CHMP2B: variants seen among roughly 807,000 people sequenced by gnomAD.
CHMP2B encodes the protein VPS2 homolog B.
CHMP2B carries 22 observed loss-of-function variants against 29.8 expected under a neutral mutation model. That is an observed-to-expected ratio of 0.74 (90% CI 0.53 to 1.05). The LOEUF is 1.05. Ranked by LOEUF, CHMP2B falls within the 50% of genes least tolerant of loss-of-function variation. The pLI is 0.00. For synonymous variants in CHMP2B, 78 were observed against 75.8 expected, an observed-to-expected ratio of 1.03 and a Z score of -0.15; for missense variants, 261 against 252.2, an observed-to-expected ratio of 1.03 and a Z score of -0.24.
chr3:87,242,729 C>T (rs1031038159), intron 2 of CHMP2B, among the ~76,000 whole-genome samples: 7 of 152,062 alleles, frequency 4.6e-5, no homozygotes, highest in African/African-American at 1.4e-4. Context: ...TTTCCCTTGT[C>T]GTCTTTGTGG....
At chr3:87,237,881 G>A (rs1706042841) in intron 1 of CHMP2B, among the ~76,000 whole-genome samples, 1 of 152,100 alleles carries the variant, frequency 6.6e-6, no homozygotes, top group South Asian at 2.1e-4. Context: ...AGGAGAGAAA[G>A]CCCCGTCCTT....
At chr3:87,237,850 T>C (rs1470228166) in intron 1 of CHMP2B, among the ~76,000 whole-genome samples, 4 of 152,182 alleles carry the variant, frequency 2.6e-5, no homozygotes, top group Admixed American at 2.6e-4. Context: ...TCACTCATTT[T>C]AGAAGAAGAA....
intron 4 of CHMP2B, among the ~76,000 whole-genome samples, chr3:87,250,352 CT>C (rs1706293628): frequency 6.6e-6 from 1 of 151,722 alleles, no homozygotes; most frequent in African/African-American, 2.4e-5. Context: ...CTTTTTTTCC[CT>C]CTCACAAGAG....
chr3:87,244,892 T>C (rs927685332), intron 2 of CHMP2B, among the ~76,000 whole-genome samples: 3 of 152,190 alleles, frequency 2.0e-5, no homozygotes, highest in African/African-American at 7.2e-5. Flanking sequence ...CTTGTAACAA[T>C]TAGACTTTGC....
intron 1 of CHMP2B, 177 bp from the exon 2 acceptor site, chr3:87,240,522 C>G: frequency 3.8e-6 from 2 of 525,342 alleles, no homozygotes; most frequent in Non-Finnish European, 7.1e-6. Flanking sequence ...GTTGGTCAGG[C>G]TGGTCTCGAA....
rs375938064 is a variant in CHMP2B at position 87,238,220 on chromosome 3, A to G, written c.35-2479A>G. ...ATTTTTGGCTTTGATGTTTTAATTG[A>G]AGTTAAATTCATATAACATTAACCA... On this transcript the variant is annotated intron_variant, in intron 1 of 5. Coordinates refer to ENST00000263780, the MANE Select transcript of CHMP2B (RefSeq NM_014043.4). Among the ~76,000 whole-genome samples the G allele has an allele frequency of 2.6e-5, 4 of 152,238 alleles. No individual in the cohort carries two copies. The East Asian group carries it at 7.7e-4, about 29-fold the overall frequency.
intron 3 of CHMP2B, among the ~76,000 whole-genome samples, chr3:87,249,120 G>T (rs1706267925): frequency 6.6e-6 from 1 of 152,040 alleles, no homozygotes; most frequent in African/African-American, 2.4e-5. Context: ...GTTGGTCCTA[G>T]GCTACACTGT....
At chr3:87,247,423 G>A (rs1468019765) in intron 3 of CHMP2B, among the ~76,000 whole-genome samples, 1 of 152,152 alleles carries the variant, frequency 6.6e-6, no homozygotes, top group Non-Finnish European at 1.5e-5. Flanking sequence ...TACAATGCTT[G>A]GGGATCATTT....
intron 1 of CHMP2B, among the ~76,000 whole-genome samples, chr3:87,239,111 G>A (rs1706068636): frequency 6.6e-6 from 1 of 152,042 alleles, no homozygotes; most frequent in African/African-American, 2.4e-5. Context: ...TCATTTAAAA[G>A]TTGGGTTGTT....
chr3:87,237,764 A>G (rs778463990), intron 1 of CHMP2B, among the ~76,000 whole-genome samples: 8 of 152,154 alleles, frequency 5.3e-5, no homozygotes, highest in Non-Finnish European at 8.8e-5. Context: ...TTCAGTTTCA[A>G]CATTTCCCAA....
At chr3:87,229,594 G>T (rs941287560) in intron 1 of CHMP2B, among the ~76,000 whole-genome samples, 2 of 152,020 alleles carry the variant, frequency 1.3e-5, no homozygotes, top group Admixed American at 6.5e-5. Flanking sequence ...TCTAAAAGGT[G>T]ACAGCATTCT....
chr3:87,246,487 G>T (rs1011545909), intron 3 of CHMP2B, among the ~76,000 whole-genome samples: 49 of 152,042 alleles, frequency 3.2e-4, no homozygotes, highest in Non-Finnish European at 1.0e-4. Flanking sequence ...TTATGAAATT[G>T]ACTTTTAAAA....
chr3:87,239,529 T>G (rs1035631381), intron 1 of CHMP2B, among the ~76,000 whole-genome samples: 7 of 152,266 alleles, frequency 4.6e-5, no homozygotes, highest in Admixed American at 2.6e-4. Context: ...CTCCTGTTGT[T>G]GTTGTTTTTA....
intron 5 of CHMP2B, 67 bp downstream of exon 5, chr3:87,253,577 T>C: frequency 7.3e-7 from 1 of 1,369,986 alleles, no homozygotes; most frequent in South Asian, 1.2e-5. Flanking sequence ...TTAATTGTTT[T>C]GTTTTTACTA....
chr3:87,245,223 G>A (rs527394773), intron 2 of CHMP2B, among the ~76,000 whole-genome samples: 2 of 152,204 alleles, frequency 1.3e-5, no homozygotes, highest in Non-Finnish European at 2.9e-5. Context: ...ATAAGTTGGT[G>A]TCTTGAGATA....
chr3:87,253,649 TC>T, intron 5 of CHMP2B, 62 bp from the exon 6 acceptor site: 2 of 1,440,138 alleles, frequency 1.4e-6, no homozygotes, highest in Non-Finnish European at 2.0e-6. Context: ...TTACAGCACA[TC>T]CTGTATGTCC....
intron 5 of CHMP2B, 61 bp from the exon 6 acceptor site, chr3:87,253,651 C>T: frequency 1.5e-5 from 21 of 1,448,038 alleles, no homozygotes; most frequent in Non-Finnish European, 1.7e-5. Context: ...ACAGCACATC[C>T]TGTATGTCCT....
chr3:87,230,800 G>T (rs1423181291), intron 1 of CHMP2B, among the ~76,000 whole-genome samples: 1 of 152,098 alleles, frequency 6.6e-6, no homozygotes, highest in Non-Finnish European at 1.5e-5. Flanking sequence ...ATGAGATGTT[G>T]CTTAGATCAT....
intron 1 of CHMP2B, among the ~76,000 whole-genome samples, chr3:87,228,579 A>G (rs1011005573): frequency 6.6e-6 from 1 of 152,200 alleles, no homozygotes; most frequent in African/African-American, 2.4e-5. Flanking sequence ...GACTATTCCA[A>G]TGCCAGCAAA....
Sources: allele counts gnomAD v4.1 joint callset (sites outside exome capture counted in the v4.1 genomes callset), GRCh38; gene constraint gnomAD v4.1.1; transcripts MANE v1.5; gene names NCBI Gene and HGNC (gene_info 2026-07-23, HGNC 2026-07-21).